TUBA1C: variants seen among roughly 807,000 people sequenced by gnomAD.
TUBA1C encodes tubulin alpha 1c.
A neutral mutation model predicts 34.9 loss-of-function variants in TUBA1C; 16 were observed. The ratio of observed to expected loss-of-function variants is 0.46; its 90% confidence interval spans 0.31 to 0.70. TUBA1C has a LOEUF of 0.70. Among genes scored for constraint, TUBA1C ranks in the 30% least tolerant of loss-of-function variants. The probability of loss-of-function intolerance (pLI) is 0.05; values close to 1 mark genes in which losing one functional copy is unlikely to be tolerated. For synonymous variants in TUBA1C, 177 were observed against 215.9 expected (o/e 0.82, Z 1.58); for missense variants, 329 against 587.3 (o/e 0.56, Z 4.55).
At chr12:49,238,600 A>G (rs1224952552) in intron 1 of TUBA1C, among the ~76,000 whole-genome samples, 3 of 152,248 alleles carry the variant, frequency 2.0e-5, no homozygotes, top group Admixed American at 1.3e-4. Context: ...GGCTCACACA[A>G]CTCAAGGAAG....
chr12:49,234,902 C>T (rs890478862), intron 1 of TUBA1C, among the ~76,000 whole-genome samples: 10 of 152,282 alleles, frequency 6.6e-5, no homozygotes, highest in African/African-American at 2.4e-4. Flanking sequence ...ACTGCAACCT[C>T]CGCCTCCCAG....
In TUBA1C at chr12:49,273,436, A is replaced by T. The variant is rs1282772262; in HGVS notation, c.*209A>T. The stretch of plus-strand genomic sequence containing the variant: ...GGTCTTGCTCTGTCACCCAGGCTGG[A>T]GTGCAGTGGCATGATAATACATAGC... On this transcript the variant is annotated 3_prime_UTR_variant, in exon 4 of 4. Coordinates refer to ENST00000301072, the MANE Select transcript of TUBA1C (RefSeq NM_032704.5). The T allele has an allele frequency of 4.9e-6, 4 of 824,672 alleles. No homozygotes were observed. The African/African-American group carries it at 6.8e-5, about 14-fold the overall frequency. The allele number at this position is 824,672 out of a possible 1,614,324, so 51.1% of individuals were successfully genotyped here.
chr12:49,256,536 A>T, intron 1 of TUBA1C: 4 of 409,114 alleles, frequency 9.8e-6, no homozygotes, highest in South Asian at 6.9e-5. Context: ...AAACTGACCA[A>T]AACAGAGAAC....
chr12:49,258,982 C>T (rs897953163), intron 1 of TUBA1C, among the ~76,000 whole-genome samples: 1 of 152,076 alleles, frequency 6.6e-6, no homozygotes, highest in South Asian at 2.1e-4. Context: ...TAGTCTCGAA[C>T]TCCTGACCTC....
chr12:49,241,024 C>T (rs1442148510), intron 1 of TUBA1C, among the ~76,000 whole-genome samples: 1 of 152,104 alleles, frequency 6.6e-6, no homozygotes, highest in African/African-American at 2.4e-5. Context: ...GCCTCAGCCT[C>T]CCAAGTAGCT....
chr12:49,254,974 G>C (rs576785077), intron 1 of TUBA1C, among the ~76,000 whole-genome samples: 3 of 151,862 alleles, frequency 2.0e-5, no homozygotes, highest in African/African-American at 4.8e-5. Context: ...AAGTAGAAAC[G>C]GGGTCCCTCT....
chr12:49,257,083 G>A (rs140830852), intron 1 of TUBA1C, among the ~76,000 whole-genome samples: 2,519 of 151,372 alleles, frequency 0.017, 72 homozygotes, highest in African/African-American at 0.058. Context: ...GGGAGTCTGC[G>A]GCAAGAGAAT....
intron 3 of TUBA1C, among the ~76,000 whole-genome samples, chr12:49,271,498 T>C (rs998742432): frequency 2.0e-5 from 3 of 152,218 alleles, no homozygotes; most frequent in Non-Finnish European, 2.9e-5. Context: ...GTGCTTACTG[T>C]GCCAAGCACT....
At chr12:49,233,011 TG>T (rs1295349125) in intron 1 of TUBA1C, 1 of 152,222 alleles carries the variant, frequency 6.6e-6, no homozygotes, top group Non-Finnish European at 1.5e-5. Flanking sequence ...TGAAAGCAGC[TG>T]GTTTACGAGA....
intron 1 of TUBA1C, chr12:49,228,232 T>G (rs1260830180): frequency 2.1e-5 from 29 of 1,412,562 alleles, no homozygotes; most frequent in Non-Finnish European, 2.5e-5. Context: ...TGGTACTGTG[T>G]GCATGCAACT....
At chr12:49,243,154 AT>A (rs1219993013) in intron 1 of TUBA1C, among the ~76,000 whole-genome samples, 2 of 152,102 alleles carry the variant, frequency 1.3e-5, no homozygotes. Flanking sequence ...TTAAGATGAA[AT>A]AAGGTGCAGG....
chr12:49,235,892 AT>A (rs1942550166), intron 1 of TUBA1C, among the ~76,000 whole-genome samples: 1 of 152,204 alleles, frequency 6.6e-6, no homozygotes, highest in Non-Finnish European at 1.5e-5. Context: ...GGCTCAACTC[AT>A]TTAATTTCCT....
At chr12:49,270,380 T>A (rs189424381) in intron 3 of TUBA1C, among the ~76,000 whole-genome samples, 1 of 152,306 alleles carries the variant, frequency 6.6e-6, no homozygotes, top group Admixed American at 6.5e-5. Context: ...ACTGGAAACT[T>A]CCAGTACTGC....
chr12:49,249,999 C>A (rs1942716092), intron 1 of TUBA1C, among the ~76,000 whole-genome samples: 1 of 151,338 alleles, frequency 6.6e-6, no homozygotes, highest in African/African-American at 2.4e-5. Context: ...GAGTTTGAGA[C>A]CAGCCTGGCC....
intron 1 of TUBA1C, among the ~76,000 whole-genome samples, chr12:49,254,066 G>T (rs886239483): frequency 1.2e-4 from 18 of 151,856 alleles, no homozygotes. Flanking sequence ...AATCCCAGCA[G>T]TTTGGGAGGC....
At chr12:49,235,176 A>G (rs1039011228) in intron 1 of TUBA1C, among the ~76,000 whole-genome samples, 1 of 152,028 alleles carries the variant, frequency 6.6e-6, no homozygotes, top group African/African-American at 2.4e-5. Flanking sequence ...GACATCTCAA[A>G]TGCATTGCAA....
rs763817977 is a variant in TUBA1C at position 49,270,064 on chromosome 12, A to G, written c.375+88A>G. The G allele has an allele frequency of 1.9e-6, 3 of 1,610,614 alleles. No individual in the cohort carries two copies. In the South Asian group the frequency reaches 3.3e-5, roughly 18 times the overall value. On this transcript the variant is annotated intron_variant, in intron 3 of 3. Coordinates refer to ENST00000301072, the MANE Select transcript of TUBA1C (RefSeq NM_032704.5). The stretch of plus-strand genomic sequence containing the variant: ...ACAGAAATCATTCTTTGCAACTAAA[A>G]TGAGACTATTTGCATTGCAACTAAA...
chr12:49,259,731 T>G (rs1338964919), intron 1 of TUBA1C, among the ~76,000 whole-genome samples: 3 of 152,182 alleles, frequency 2.0e-5, no homozygotes, highest in African/African-American at 7.2e-5. Context: ...AAGAGACCGG[T>G]TTCACCTCTA....
chr12:49,228,072 T>A, exon 1 of TUBA1C: 1 of 1,535,736 alleles, frequency 6.5e-7, no homozygotes, highest in Non-Finnish European at 8.7e-7. Context: ...TCTAACTGGA[T>A]TCTTATTTAC....
Sources: gnomAD v4.1 joint callset for allele counts (sites outside exome capture counted in the v4.1 genomes callset) on GRCh38, gnomAD v4.1.1 for gene constraint, MANE v1.5 for transcripts, NCBI Gene and HGNC (gene_info 2026-07-23, HGNC 2026-07-21) for gene names.